The following CDH4 variants were observed in gnomAD, a reference collection of about 807,000 sequenced individuals.
The protein encoded by CDH4 is cadherin-4.
In CDH4, 33 loss-of-function variants were observed where a neutral mutation model predicts 86.0. The observed-to-expected ratio is 0.38, with a 90% confidence interval of 0.29 to 0.51. The LOEUF (loss-of-function observed/expected upper bound fraction) is 0.51, where lower values mean the gene tolerates loss of function less well. Ranked by LOEUF, CDH4 falls within the 20% of genes least tolerant of loss-of-function variation. The probability of loss-of-function intolerance (pLI) is 0.86; values close to 1 mark genes in which losing one functional copy is unlikely to be tolerated. For missense variants in CDH4, 1,114 were observed against 1,307.4 expected, an observed-to-expected ratio of 0.85 and a Z score of 2.28; for synonymous variants, 555 against 549.4, an observed-to-expected ratio of 1.01 and a Z score of -0.14.
At chr20:61,434,327 G>A (rs913248135) in intron 2 of CDH4, among the ~76,000 whole-genome samples, 16 of 152,094 alleles carry the variant, frequency 1.1e-4, no homozygotes, top group Admixed American at 5.2e-4. Context: ...CCCTCTCTCC[G>A]CTATTTGATG....
chr20:61,333,948 C>T (rs928954605), intron 2 of CDH4, among the ~76,000 whole-genome samples: 7 of 152,138 alleles, frequency 4.6e-5, no homozygotes, highest in Admixed American at 2.6e-4. Context: ...GCCTCCTGGT[C>T]GGTGAGGGCG....
intron 2 of CDH4, among the ~76,000 whole-genome samples, chr20:61,575,347 T>C (rs918618721): frequency 6.6e-6 from 1 of 152,226 alleles, no homozygotes; most frequent in African/African-American, 2.4e-5. Context: ...TCCCAGGGTA[T>C]ATACTTACGG....
chr20:61,795,806 C>A (rs1451300918), intron 4 of CDH4, among the ~76,000 whole-genome samples: 2 of 109,088 alleles, frequency 1.8e-5, no homozygotes, highest in Non-Finnish European at 3.8e-5. Flanking sequence ...GGAAGGCTGC[C>A]TGGGACAGAA....
intron 2 of CDH4, among the ~76,000 whole-genome samples, chr20:61,555,374 T>C (rs557127116): frequency 6.6e-6 from 1 of 152,296 alleles, no homozygotes; most frequent in Non-Finnish European, 1.5e-5. Flanking sequence ...CACAGCTAAG[T>C]GTGGTGCAGG....
chr20:61,577,275 T>C (rs1158962173), intron 2 of CDH4, among the ~76,000 whole-genome samples: 1 of 143,018 alleles, frequency 7.0e-6, no homozygotes, highest in East Asian at 2.1e-4. Context: ...GATGTGTGGA[T>C]ATTTGTGTAT....
intron 2 of CDH4, among the ~76,000 whole-genome samples, chr20:61,541,145 C>T (rs1263346758): frequency 6.6e-6 from 1 of 152,158 alleles, no homozygotes; most frequent in Non-Finnish European, 1.5e-5. Context: ...AATAATTAAC[C>T]ACCCCAGTCG....
At chr20:61,555,839 A>G (rs1290201685) in intron 2 of CDH4, among the ~76,000 whole-genome samples, 1 of 152,248 alleles carries the variant, frequency 6.6e-6, no homozygotes, top group Non-Finnish European at 1.5e-5. Context: ...TCCAGGAAAC[A>G]TGATACAATC....
At chr20:61,799,334 T>A (rs1359343596) in intron 4 of CDH4, among the ~76,000 whole-genome samples, 1 of 152,214 alleles carries the variant, frequency 6.6e-6, no homozygotes, top group Non-Finnish European at 1.5e-5. Flanking sequence ...TTAAATACGC[T>A]TCATAATATA....
intron 2 of CDH4, among the ~76,000 whole-genome samples, chr20:61,303,954 A>G (rs1435073448): frequency 6.6e-6 from 1 of 152,136 alleles, no homozygotes; most frequent in African/African-American, 2.4e-5. Flanking sequence ...CTACTTCGGA[A>G]CGGAGTTGAC....
chr20:61,667,758 C>G (rs1172712276), intron 2 of CDH4, among the ~76,000 whole-genome samples: 5 of 152,220 alleles, frequency 3.3e-5, no homozygotes, highest in African/African-American at 1.2e-4. Flanking sequence ...TCTCAGCCCA[C>G]TGACCTTGCT....
At chr20:61,839,570 A>G (rs1982052335) in intron 4 of CDH4, among the ~76,000 whole-genome samples, 1 of 148,788 alleles carries the variant, frequency 6.7e-6, no homozygotes, top group Non-Finnish European at 1.5e-5. Flanking sequence ...GCATATGTGC[A>G]TGTGTGTGTG....
intron 3 of CDH4, among the ~76,000 whole-genome samples, chr20:61,745,329 G>A (rs574725579): frequency 5.9e-5 from 9 of 152,322 alleles, no homozygotes; most frequent in Middle Eastern, 3.4e-3. Flanking sequence ...CAAGACAGGT[G>A]TGCCAAGGAA....
intron 4 of CDH4, among the ~76,000 whole-genome samples, chr20:61,819,421 G>A (rs1006674547): frequency 2.6e-5 from 4 of 151,552 alleles, no homozygotes; most frequent in Admixed American, 6.6e-5. Context: ...GCTCTGCCCC[G>A]GGAGCGTTCC....
At chr20:61,686,516 C>A (rs1263764605) in intron 2 of CDH4, among the ~76,000 whole-genome samples, 1 of 144,730 alleles carries the variant, frequency 6.9e-6, no homozygotes, top group Non-Finnish European at 1.5e-5. Flanking sequence ...TATGTGTGTG[C>A]ATTCGTGTGT....
In CDH4 at chr20:61,936,880, C is replaced by G. The variant is rs1223690366; in HGVS notation, c.2688C>G (p.Leu896=). The G allele has an allele frequency of 6.2e-7, 1 of 1,604,906 alleles. No homozygotes were observed. The highest frequency in any genetic ancestry group is 8.5e-7 in the Non-Finnish European group (1 of 1,176,038). Residue 896 remains leucine, a synonymous_variant, in exon 16 of 16, where the codon CTC becomes CTG. Coordinates refer to ENST00000614565, the MANE Select transcript of CDH4 (RefSeq NM_001794.5). ...CCGGGGACCAAGACTACGATTACCT[C>G]AACGACTGGGGGCCCAGATTCAAGA... ...SSSGDQDYDY[L]NDWGPRFKKL...
chr20:61,316,447 G>T (rs2084476656), intron 2 of CDH4, among the ~76,000 whole-genome samples: 1 of 152,236 alleles, frequency 6.6e-6, no homozygotes, highest in East Asian at 1.9e-4. Context: ...CAAATGTGTT[G>T]TTCCAACAGA....
intron 2 of CDH4, among the ~76,000 whole-genome samples, chr20:61,273,084 G>T (rs2084193205): frequency 1.0e-5 from 1 of 97,128 alleles, no homozygotes; most frequent in African/African-American, 4.2e-5. Context: ...GTTTGGGGGA[G>T]TATTGGGGGA....
Position 61,924,407 on chromosome 20 carries a change from G to A in CDH4, c.1702G>A (p.Val568Met), listed in dbSNP as rs1360090431. 3 of 1,613,784 alleles carry A rather than the reference G, an allele frequency of 1.9e-6. No homozygotes were observed. The highest frequency in any genetic ancestry group is 1.3e-5 in the African/African-American group (1 of 74,928). ...CAACGGCCAGATCACCACGGCGGCAGTGCTGGACCGTGAGTCCCTCTACAC... is the reference window on the plus strand; with the variant it reads ...CAACGGCCAGATCACCACGGCGGCAATGCTGGACCGTGAGTCCCTCTACAC... ...ATNGQITTAA[V>M]LDRESLYTKN... Residue 568 changes from valine to methionine, a missense_variant, in exon 11 of 16, where the codon GTG becomes ATG. Val to Met is a conservative substitution (Grantham distance 21). This residue lies in a region of CDH4 where 705 missense variants were observed against 914.1 expected (regional missense o/e 0.77). Transcript: ENST00000614565.
At chr20:61,656,807 G>A (rs1476603736) in intron 2 of CDH4, among the ~76,000 whole-genome samples, 1 of 152,188 alleles carries the variant, frequency 6.6e-6, no homozygotes, top group Non-Finnish European at 1.5e-5. Flanking sequence ...TGTGGCTGCG[G>A]GCAAGTCCTG....
Sources: allele counts gnomAD v4.1 joint callset (sites outside exome capture counted in the v4.1 genomes callset), GRCh38; gene constraint gnomAD v4.1.1; regional missense constraint gnomAD v4.1.1; transcripts MANE v1.5; gene names NCBI Gene and HGNC (gene_info 2026-07-23, HGNC 2026-07-21).